Variants in ZDHHC17 observed in about 807,000 individuals in gnomAD.
ZDHHC17 encodes zDHHC palmitoyltransferase 17.
In ZDHHC17, 40 loss-of-function variants were observed where a neutral mutation model predicts 90.3. The ratio of observed to expected loss-of-function variants is 0.44; its 90% CI spans 0.34 to 0.58. ZDHHC17 has a LOEUF of 0.58. ZDHHC17 is among the 20% of genes least tolerant of loss of function. The probability of loss-of-function intolerance (pLI) is 0.01; values close to 1 mark genes in which losing one functional copy is unlikely to be tolerated. For missense variants in ZDHHC17, 614 were observed against 780.8 expected (o/e 0.79, Z 2.55); for synonymous variants, 235 against 252.4 (o/e 0.93, Z 0.65).
intron 1 of ZDHHC17, among the ~76,000 whole-genome samples, chr12:76,784,744 C>T (rs1952666144): frequency 6.6e-6 from 1 of 152,140 alleles, no homozygotes; most frequent in Admixed American, 6.5e-5. Flanking sequence ...AATCAAGATC[C>T]TGAAGCATTT....
At chr12:76,779,792 A>G (rs1952601811) in intron 1 of ZDHHC17, among the ~76,000 whole-genome samples, 1 of 151,910 alleles carries the variant, frequency 6.6e-6, no homozygotes, top group Non-Finnish European at 1.5e-5. Context: ...TAAGTTTATA[A>G]TTTTACCTTT....
At chr12:76,831,164 T>TG (rs1769134488) in intron 10 of ZDHHC17, among the ~76,000 whole-genome samples, 1 of 152,202 alleles carries the variant, frequency 6.6e-6, no homozygotes, top group Non-Finnish European at 1.5e-5. Context: ...ATAGTAGCAC[T>TG]GTCTCCAAGT....
intron 5 of ZDHHC17, among the ~76,000 whole-genome samples, chr12:76,813,630 ACT>A (rs564873310): frequency 3.9e-4 from 59 of 151,998 alleles, no homozygotes; most frequent in African/African-American, 1.3e-3. Context: ...GCTTACTGTA[ACT>A]CTCTGCTCTC....
intron 1 of ZDHHC17, among the ~76,000 whole-genome samples, chr12:76,789,749 T>G (rs913041201): frequency 2.6e-5 from 4 of 152,086 alleles, no homozygotes; most frequent in African/African-American, 7.2e-5. Flanking sequence ...AGTTGCCCTT[T>G]AAAATACATA....
chr12:76,799,844 A>C (rs1235687320), intron 2 of ZDHHC17, among the ~76,000 whole-genome samples: 1 of 152,168 alleles, frequency 6.6e-6, no homozygotes, highest in Non-Finnish European at 1.5e-5. Flanking sequence ...TGGGACCAGA[A>C]GTGTTTTGGA....
chr12:76,776,125 T>C (rs969886477), intron 1 of ZDHHC17, among the ~76,000 whole-genome samples: 2 of 151,962 alleles, frequency 1.3e-5, no homozygotes, highest in Non-Finnish European at 2.9e-5. Flanking sequence ...AAAAAAAAAA[T>C]TCTTGACAAA....
At position 76,795,903 on chromosome 12, in the gene ZDHHC17, G is replaced by A. The variant is rs574041202; in HGVS notation, c.94-1531G>A. ...TGTATATTTCTTTCTTCTAATGTGG[G>A]TATATAATTATAAATGTTAAAGTGT... On this transcript the variant is annotated intron_variant, in intron 1 of 16. Coordinates refer to ENST00000426126, the MANE Select transcript of ZDHHC17 (RefSeq NM_015336.4). Among the ~76,000 whole-genome samples, 99 of 152,122 alleles carry A rather than the reference G, an allele frequency of 6.5e-4. 1 individual carries two copies. Among genetic ancestry groups the A allele is most frequent in the African/African-American group, 2.1e-3 (86 of 41,518 alleles).
intron 2 of ZDHHC17, among the ~76,000 whole-genome samples, chr12:76,803,394 T>G (rs1337321193): frequency 6.6e-6 from 1 of 152,180 alleles, no homozygotes; most frequent in Non-Finnish European, 1.5e-5. Flanking sequence ...CTGTAGGGAA[T>G]ATGAATCATT....
chr12:76,816,065 A>G, intron 7 of ZDHHC17, 46 bp downstream of exon 7: 2 of 1,364,332 alleles, frequency 1.5e-6, no homozygotes, highest in Non-Finnish European at 1.9e-6. Context: ...TGTGGCTAAT[A>G]TGTGAATTCT....
At chr12:76,776,041 CT>C (rs200902179) in intron 1 of ZDHHC17, among the ~76,000 whole-genome samples, 1,677 of 152,052 alleles carry the variant, frequency 0.011, 11 homozygotes, top group Non-Finnish European at 0.017. Context: ...TCCCATTAAA[CT>C]TTTTTTCCTT....
chr12:76,830,984 AC>A (rs1953293060), intron 10 of ZDHHC17, among the ~76,000 whole-genome samples: 1 of 152,230 alleles, frequency 6.6e-6, no homozygotes, highest in African/African-American at 2.4e-5. Context: ...AAAGACCAGA[AC>A]AATCAAGTCT....
intron 7 of ZDHHC17, among the ~76,000 whole-genome samples, chr12:76,819,572 A>G (rs377534780): frequency 6.6e-6 from 1 of 152,224 alleles, no homozygotes; most frequent in East Asian, 1.9e-4. Flanking sequence ...TCTATATATG[A>G]TTAAGTGTCT....
intron 8 of ZDHHC17, 131 bp downstream of exon 8, chr12:76,822,662 C>T: frequency 1.4e-6 from 1 of 694,624 alleles, no homozygotes; most frequent in Non-Finnish European, 2.4e-6. Flanking sequence ...TAAAGTGATT[C>T]TTGTGCCTCA....
At chr12:76,796,298 G>A (rs1222592175) in intron 1 of ZDHHC17, among the ~76,000 whole-genome samples, 1 of 151,992 alleles carries the variant, frequency 6.6e-6, no homozygotes, top group East Asian at 1.9e-4. Flanking sequence ...AAAAATATCA[G>A]AAACACAGCA....
Position 76,853,076 on chromosome 12 carries a change from C to T in ZDHHC17, c.*2091C>T, listed in dbSNP as rs545498182. ...TGGCTAAGAATGTTGTTACCATCTTCTTTGTTTGTGGTACAATATTTTCAG... is the reference window on the plus strand; with the variant it reads ...TGGCTAAGAATGTTGTTACCATCTTTTTTGTTTGTGGTACAATATTTTCAG... On this transcript the variant is annotated 3_prime_UTR_variant, in exon 17 of 17. Coordinates refer to ENST00000426126, the MANE Select transcript of ZDHHC17 (RefSeq NM_015336.4). 2 of 152,104 alleles carry T rather than the reference C, an allele frequency of 1.3e-5. No individual in the cohort carries two copies. The highest frequency in any genetic ancestry group is 2.9e-5 in the Non-Finnish European group (2 of 68,000). 9.4% of individuals were successfully genotyped at this position (152,104 alleles called of 1,614,324 possible).
rs74104854 is a variant in ZDHHC17 at position 76,800,477 on chromosome 12, C to T, written c.197+2940C>T. ...TCTTACTGTAGAACTATCTGTTTCTCTCTTCAGTTCTGTCAATTTTTGCTT... is the reference window on the plus strand; with the variant it reads ...TCTTACTGTAGAACTATCTGTTTCTTTCTTCAGTTCTGTCAATTTTTGCTT... On this transcript the variant is annotated intron_variant, in intron 2 of 16. Transcript: ENST00000426126. Among the ~76,000 whole-genome samples the T allele has an allele frequency of 6.9e-3, 1,047 of 152,284 alleles. 19 individuals carry two copies. Among genetic ancestry groups the T allele is most frequent in the African/African-American group, 0.024 (1,012 of 41,568 alleles).
intron 5 of ZDHHC17, among the ~76,000 whole-genome samples, chr12:76,810,856 G>A (rs1327056161): frequency 6.6e-6 from 1 of 152,110 alleles, no homozygotes; most frequent in South Asian, 2.1e-4. Flanking sequence ...GTTGTCTGGC[G>A]GCTTGACTGA....
At chr12:76,834,320 CAA>C (rs1953339013) in intron 10 of ZDHHC17, among the ~76,000 whole-genome samples, 1 of 152,154 alleles carries the variant, frequency 6.6e-6, no homozygotes, top group African/African-American at 2.4e-5. Context: ...GAAATATTGA[CAA>C]AAGTTTATTA....
At chr12:76,842,828 T>A (rs1305504305) in intron 11 of ZDHHC17, 91 bp from the exon 12 acceptor site, 16 of 910,770 alleles carry the variant, frequency 1.8e-5, no homozygotes, top group East Asian at 2.8e-5. Flanking sequence ...AAATTAAAGA[T>A]GAAAATCATG....
Sources: allele counts gnomAD v4.1 joint callset (sites outside exome capture counted in the v4.1 genomes callset), GRCh38; gene constraint gnomAD v4.1.1; transcripts MANE v1.5; gene names NCBI Gene and HGNC (gene_info 2026-07-23, HGNC 2026-07-21).